Variants in NPL observed in about 807,000 individuals in gnomAD.
NPL encodes N-acetylneuraminate lyase.
NPL carries 32 observed loss-of-function variants against 41.1 expected under a neutral mutation model. The ratio of observed to expected loss-of-function variants is 0.78; its 90% confidence interval spans 0.59 to 1.05. The LOEUF is 1.05. Ranked by LOEUF, NPL falls within the 50% of genes least tolerant of loss-of-function variation. The pLI is 0.00. For synonymous variants in NPL, 128 were observed against 134.9 expected (o/e 0.95, Z 0.35); for missense variants, 321 against 378.4 (o/e 0.85, Z 1.26).
At chr1:182,790,265 C>T (rs76937142) in intron 1 of NPL, among the ~76,000 whole-genome samples, 3,493 of 152,220 alleles carry the variant, frequency 0.023, 139 homozygotes, top group African/African-American at 0.08. Context: ...CTTTCTGTCT[C>T]TTAAAAAAAC....
chr1:182,814,539 T>C (rs1269579481), intron 6 of NPL, among the ~76,000 whole-genome samples: 1 of 152,216 alleles, frequency 6.6e-6, no homozygotes, highest in African/African-American at 2.4e-5. Context: ...CTTAGCAAGG[T>C]TTTTTGTACT....
intron 3 of NPL, among the ~76,000 whole-genome samples, chr1:182,801,702 T>C (rs1473114640): frequency 1.3e-5 from 2 of 152,056 alleles, no homozygotes; most frequent in Non-Finnish European, 2.9e-5. Flanking sequence ...ATTTTCAAGT[T>C]AGCTGCACCT....
intron 3 of NPL, chr1:182,795,642 G>T (rs982965904): frequency 2.0e-5 from 3 of 152,092 alleles, no homozygotes; most frequent in African/African-American, 7.2e-5. Flanking sequence ...TCCTTACTAG[G>T]TCTAAATAAG....
At chr1:182,810,226 G>T (rs1667137449) in intron 5 of NPL, among the ~76,000 whole-genome samples, 1 of 152,154 alleles carries the variant, frequency 6.6e-6, no homozygotes, top group Non-Finnish European at 1.5e-5. Flanking sequence ...CCCACTTTGA[G>T]ATGACCAGTC....
intron 11 of NPL, among the ~76,000 whole-genome samples, chr1:182,822,564 T>G (rs1159630876): frequency 6.6e-6 from 1 of 152,160 alleles, no homozygotes; most frequent in Non-Finnish European, 1.5e-5. Context: ...TCACAGAATA[T>G]GAGGAAGCTA....
chr1:182,802,820 G>A (rs991254367), intron 3 of NPL, among the ~76,000 whole-genome samples: 4 of 152,208 alleles, frequency 2.6e-5, no homozygotes, highest in African/African-American at 9.6e-5. Context: ...TACAAGGTTA[G>A]TGTGCCTCAA....
intron 7 of NPL, among the ~76,000 whole-genome samples, chr1:182,815,638 C>T (rs920682655): frequency 6.6e-6 from 1 of 152,138 alleles, no homozygotes; most frequent in African/African-American, 2.4e-5. Context: ...AGGTCTTGCT[C>T]TGTTGCCCAG....
At chr1:182,807,063 C>A (rs1195226454) in intron 5 of NPL, among the ~76,000 whole-genome samples, 2 of 152,102 alleles carry the variant, frequency 1.3e-5, no homozygotes, top group Non-Finnish European at 2.9e-5. Flanking sequence ...TGGTCTTGAT[C>A]TCCTGATTTC....
chr1:182,824,283 G>A (rs1308141617), intron 11 of NPL, among the ~76,000 whole-genome samples: 1 of 152,146 alleles, frequency 6.6e-6, no homozygotes, highest in Non-Finnish European at 1.5e-5. Flanking sequence ...AGATCTACAT[G>A]CTATGTTAAA....
chr1:182,802,693 T>A (rs957386970), intron 3 of NPL, among the ~76,000 whole-genome samples: 5 of 152,228 alleles, frequency 3.3e-5, no homozygotes, highest in African/African-American at 7.2e-5. Context: ...TTGCCCATCA[T>A]TCCCCTCCTG....
intron 5 of NPL, among the ~76,000 whole-genome samples, chr1:182,807,510 G>T (rs938255837): frequency 6.6e-6 from 1 of 151,870 alleles, no homozygotes; most frequent in Non-Finnish European, 1.5e-5. Context: ...AGTTAATTTC[G>T]TGAGATCTAG....
chr1:182,807,834 T>C lies in NPL; in HGVS notation c.230+1602T>C, dbSNP rs574856906. Among the ~76,000 whole-genome samples, 96 of 138,000 alleles carry C rather than the reference T, an allele frequency of 7.0e-4. No homozygotes were observed. In the Middle Eastern group the frequency reaches 0.016, roughly 23 times the overall value. 90.5% of individuals were successfully genotyped at this position (138,000 alleles called of 152,430 possible). On this transcript the variant is annotated intron_variant, in intron 5 of 12. Transcript: ENST00000367553. ...TGAACCTGGGAGGTGGAGCTTGCAA[T>C]GAGCCAAGATCGCGCCACTGCACTC...
chr1:182,793,665 G>T (rs1423321736), intron 2 of NPL, among the ~76,000 whole-genome samples: 1 of 152,180 alleles, frequency 6.6e-6, no homozygotes, highest in Non-Finnish European at 1.5e-5. Context: ...GATATAAAAA[G>T]ATAGGTAAAT....
chr1:182,829,180 A>G lies in NPL; in HGVS notation c.*272A>G. The G allele has an allele frequency of 7.7e-7, 1 of 1,303,686 alleles. No homozygotes were observed. Among genetic ancestry groups the G allele is most frequent in the Non-Finnish European group, 9.7e-7 (1 of 1,025,664 alleles). 80.8% of individuals were successfully genotyped at this position (1,303,686 alleles called of 1,614,324 possible). ...TGGATGAAATGGAATCAAGAGGAAA[A>G]TTGTAATTGATTAATTCCATCTGTC... On this transcript the variant is annotated 3_prime_UTR_variant, in exon 13 of 13. Coordinates refer to ENST00000367553, the MANE Select transcript of NPL (RefSeq NM_030769.3).
intron 6 of NPL, among the ~76,000 whole-genome samples, chr1:182,813,896 T>C (rs1001347159): frequency 2.0e-5 from 3 of 152,256 alleles, no homozygotes; most frequent in African/African-American, 7.2e-5. Flanking sequence ...TCTGATCCTG[T>C]GTTAATGAAA....
chr1:182,790,004 G>A (rs1666452366), intron 1 of NPL, among the ~76,000 whole-genome samples, 199 bp downstream of exon 1: 1 of 152,154 alleles, frequency 6.6e-6, no homozygotes, highest in African/African-American at 2.4e-5. Flanking sequence ...AGGGACAGAC[G>A]GGGGCAGAAG....
At chr1:182,816,841 C>T (rs758647705) in intron 8 of NPL, 35 bp downstream of exon 8, 3 of 1,487,370 alleles carry the variant, frequency 2.0e-6, no homozygotes, top group Admixed American at 3.4e-5. Context: ...TCTTTCCTTC[C>T]AACTCTCACA....
At chr1:182,822,026 T>C in intron 10 of NPL, 89 bp from the exon 11 acceptor site, 1 of 872,912 alleles carries the variant, frequency 1.1e-6, no homozygotes, top group Middle Eastern at 2.2e-4. Flanking sequence ...TAGGTGTATT[T>C]TTTCCCTTTT....
chr1:182,817,964 C>T (rs1667381909), intron 8 of NPL, among the ~76,000 whole-genome samples: 1 of 152,070 alleles, frequency 6.6e-6, no homozygotes, highest in Non-Finnish European at 1.5e-5. Context: ...AATCTTTAGC[C>T]CGGCTTTCCT....
Sources: allele counts gnomAD v4.1 joint callset (sites outside exome capture counted in the v4.1 genomes callset), GRCh38; gene constraint gnomAD v4.1.1; transcripts MANE v1.5; gene names NCBI Gene and HGNC (gene_info 2026-07-23, HGNC 2026-07-21).